The following NREP variants were observed in gnomAD, a reference collection of about 807,000 sequenced individuals.
NREP encodes neuronal regeneration-related protein.
A neutral mutation model predicts 8.6 loss-of-function variants in NREP; 5 were observed. The observed-to-expected ratio is 0.58, with a 90% CI of 0.30 to 1.22. The LOEUF (loss-of-function observed/expected upper bound fraction) is 1.22. NREP is among the 50% of genes most tolerant of loss of function. NREP has a pLI of 0.07. For missense variants in NREP, 86 were observed against 82.5 expected (o/e 1.04, Z -0.17); for synonymous variants, 27 against 28.0 (o/e 0.96, Z 0.11).
At chr5:111,831,913 C>G (rs767574078) in intron 2 of NREP, among the ~76,000 whole-genome samples, 7 of 152,208 alleles carry the variant, frequency 4.6e-5, no homozygotes, top group East Asian at 3.9e-4. Context: ...ACATCCCCCA[C>G]AAGATAAAGG....
chr5:111,774,233 GAAGGAAGA>G (rs1751305456), intron 2 of NREP, among the ~76,000 whole-genome samples: 4 of 150,684 alleles, frequency 2.7e-5, no homozygotes, highest in African/African-American at 9.8e-5. Context: ...AGAAGGGAGG[GAAGGAAGA>G]AGGGAGGGAG....
At chr5:111,884,102 G>A (rs926143801) in intron 2 of NREP, among the ~76,000 whole-genome samples, 2 of 152,178 alleles carry the variant, frequency 1.3e-5, no homozygotes, top group African/African-American at 4.8e-5. Flanking sequence ...AGAAAAGAGA[G>A]AAGAATCAAA....
At position 111,901,039 on chromosome 5, in the gene NREP, G is replaced by A. The variant is rs1034292973; in HGVS notation, c.135+74235C>T. 3.3e-5 allele frequency among the ~76,000 whole-genome samples: 5 copies of A among 151,998 alleles called. No homozygotes were observed. In the East Asian group the frequency reaches 5.8e-4, roughly 18 times the overall value. ...ATACTAGCAAACTGCATCCAACAAC[G>A]TATCAAAAAGACAACAAACCATGAT... On this transcript the variant is annotated intron_variant, in intron 2 of 3. Coordinates refer to the NREP transcript ENST00000395634.
chr5:111,861,781 A>G (rs1385802289), intron 2 of NREP, among the ~76,000 whole-genome samples: 1 of 152,186 alleles, frequency 6.6e-6, no homozygotes, highest in African/African-American at 2.4e-5. Context: ...GATAATCCTA[A>G]TCACGTTCCC....
intron 2 of NREP, among the ~76,000 whole-genome samples, chr5:111,823,732 T>G (rs949316244): frequency 6.6e-6 from 1 of 152,216 alleles, no homozygotes; most frequent in African/African-American, 2.4e-5. Flanking sequence ...CACTAAATTC[T>G]TATTGTTTTA....
intron 2 of NREP, among the ~76,000 whole-genome samples, chr5:111,953,735 G>A (rs1265388132): frequency 2.0e-5 from 3 of 151,980 alleles, no homozygotes; most frequent in African/African-American, 7.2e-5. Flanking sequence ...GAAAGAGGAG[G>A]AAAATTTCTT....
At chr5:111,850,343 G>T (rs940572145) in intron 2 of NREP, among the ~76,000 whole-genome samples, 2 of 152,030 alleles carry the variant, frequency 1.3e-5, no homozygotes, top group Non-Finnish European at 2.9e-5. Flanking sequence ...AATACAGCCA[G>T]CTTCCAATTT....
intron 2 of NREP, among the ~76,000 whole-genome samples, chr5:111,839,580 T>C (rs1752975042): frequency 6.6e-6 from 1 of 152,134 alleles, no homozygotes; most frequent in African/African-American, 2.4e-5. Flanking sequence ...CATTAAATTA[T>C]AATGAAGTGT....
At chr5:111,849,388 G>C in intron 2 of NREP, among the ~76,000 whole-genome samples, 1 of 152,100 alleles carries the variant, frequency 6.6e-6, no homozygotes, top group East Asian at 1.9e-4. Flanking sequence ...AGTAAAGAGA[G>C]GTGAGTCTTC....
At chr5:111,868,841 T>C (rs1399044808) in intron 2 of NREP, among the ~76,000 whole-genome samples, 2 of 152,166 alleles carry the variant, frequency 1.3e-5, no homozygotes, top group Non-Finnish European at 2.9e-5. Context: ...TTCTTTTTTT[T>C]TTTTTTACCA....
At chr5:111,794,661 C>T (rs1479913281) in intron 2 of NREP, among the ~76,000 whole-genome samples, 2 of 151,878 alleles carry the variant, frequency 1.3e-5, no homozygotes, top group Admixed American at 6.6e-5. Flanking sequence ...CAGTGGTTGC[C>T]AGGGGTTTGG....
intron 2 of NREP, among the ~76,000 whole-genome samples, chr5:111,750,153 GAGGA>G (rs1258523472): frequency 6.6e-6 from 1 of 152,084 alleles, no homozygotes; most frequent in Non-Finnish European, 1.5e-5. Flanking sequence ...CCTAAACAAG[GAGGA>G]AGATCTCCCC....
chr5:111,917,929 G>A (rs967957899), intron 2 of NREP, among the ~76,000 whole-genome samples: 2 of 152,114 alleles, frequency 1.3e-5, no homozygotes, highest in Non-Finnish European at 2.9e-5. Flanking sequence ...GTCTCTGTTT[G>A]CAGATGACAT....
intron 2 of NREP, among the ~76,000 whole-genome samples, chr5:111,937,418 G>C (rs1276788334): frequency 6.6e-6 from 1 of 152,028 alleles, no homozygotes; most frequent in East Asian, 1.9e-4. Flanking sequence ...CTCTTTCCAA[G>C]TATGAAGTAA....
At chr5:111,943,507 A>G (rs1755889691) in intron 2 of NREP, among the ~76,000 whole-genome samples, 1 of 152,044 alleles carries the variant, frequency 6.6e-6, no homozygotes, top group Non-Finnish European at 1.5e-5. Flanking sequence ...TGAGCTCCAG[A>G]ACTTTGTATT....
chr5:111,743,637 G>A (rs1361397495), intron 2 of NREP, among the ~76,000 whole-genome samples: 1 of 152,140 alleles, frequency 6.6e-6, no homozygotes, highest in Non-Finnish European at 1.5e-5. Context: ...GTGAATTTTA[G>A]AATGGTATTA....
At position 111,975,222 on chromosome 5, in the gene NREP, A is replaced by G. The variant is rs981207054; in HGVS notation, c.135+52T>C. On this transcript the variant is annotated intron_variant, in intron 2 of 3. Transcript: ENST00000395634. ...CTTGGTTGCATGTGATGGAAACCCA[A>G]CTTGAACTAGCTTAACAAACACGAG... 8 of 1,356,148 alleles carry G rather than the reference A, an allele frequency of 5.9e-6. No individual in the cohort carries two copies. In the South Asian group the frequency reaches 1.0e-4, roughly 17 times the overall value. 84.0% of individuals were successfully genotyped at this position (1,356,148 alleles called of 1,614,324 possible).
intron 2 of NREP, among the ~76,000 whole-genome samples, chr5:111,817,820 A>AAAAG (rs1752428770): frequency 6.6e-6 from 1 of 151,446 alleles, no homozygotes; most frequent in African/African-American, 2.4e-5. Flanking sequence ...AAAAAAAAAA[A>AAAAG]AAAAAGGTTA....
chr5:111,777,535 T>C (rs1359609420), intron 2 of NREP, among the ~76,000 whole-genome samples: 1 of 152,098 alleles, frequency 6.6e-6, no homozygotes, highest in Non-Finnish European at 1.5e-5. Context: ...ACATTGGGAA[T>C]GTTAGAGAGG....
Sources: gnomAD v4.1 joint callset for allele counts (sites outside exome capture counted in the v4.1 genomes callset) on GRCh38, gnomAD v4.1.1 for gene constraint, MANE v1.5 for transcripts, NCBI Gene and HGNC (gene_info 2026-07-23, HGNC 2026-07-21) for gene names.